SLA: variants seen among roughly 807,000 people sequenced by gnomAD.
The protein encoded by SLA is src-like-adapter.
Under a neutral mutation model 30.3 loss-of-function variants are expected in SLA, and 16 were observed. The ratio of observed to expected loss-of-function variants is 0.53; its 90% confidence interval spans 0.36 to 0.80. The LOEUF (loss-of-function observed/expected upper bound fraction) is 0.80, where lower values mean the gene tolerates loss of function less well. Ranked by LOEUF, SLA falls within the 30% of genes least tolerant of loss-of-function variation. The probability of loss-of-function intolerance (pLI) is 0.01; values close to 1 mark genes in which losing one functional copy is unlikely to be tolerated. For missense variants in SLA, 310 were observed against 345.2 expected (o/e 0.90, Z 0.81); for synonymous variants, 143 against 137.8 (o/e 1.04, Z -0.26).
At position 133,049,827 on chromosome 8, in the gene SLA, G is replaced by A. The variant is rs1587883416; in HGVS notation, c.248+75C>T. On this transcript the variant is annotated intron_variant, in intron 5 of 8. Transcript: ENST00000338087. ...GCCTTCCTTACCACTATGAATGCTG[G>A]AATCTTTGTTCCACCTTATGAGTCA... 9.1e-6 allele frequency: 9 copies of A among 990,288 alleles called. No homozygotes were observed. The East Asian group carries it at 1.9e-4, about 21-fold the overall frequency. 61.3% of individuals were successfully genotyped at this position (990,288 alleles called of 1,614,324 possible). A position where few individuals can be genotyped will look rare whatever the true frequency, so the allele number is the denominator to read the frequency against.
chr8:133,059,703 G>A (rs578153220), intron 3 of SLA, among the ~76,000 whole-genome samples: 1 of 152,168 alleles, frequency 6.6e-6, no homozygotes, highest in Non-Finnish European at 1.5e-5. Context: ...ATTATATTAT[G>A]GGCTGCCAGA....
intron 8 of SLA, among the ~76,000 whole-genome samples, chr8:133,038,974 C>T (rs544043223): frequency 1.1e-4 from 16 of 152,262 alleles, no homozygotes; most frequent in East Asian, 1.9e-4. Flanking sequence ...GCCTCCCAGG[C>T]TCAAGCGATT....
intron 1 of SLA, chr8:133,096,248 A>C (rs878862936): frequency 1.9e-6 from 3 of 1,614,218 alleles, no homozygotes; most frequent in South Asian, 2.2e-5. Context: ...GGGTCCTGTG[A>C]TCGATGGCCA....
intron 2 of SLA, among the ~76,000 whole-genome samples, chr8:133,069,979 T>G (rs1843708451): frequency 8.7e-6 from 1 of 115,142 alleles, no homozygotes; most frequent in Non-Finnish European, 1.6e-5. Flanking sequence ...TCAGTCGGGG[T>G]GACAGAGCAA....
At chr8:133,064,774 G>A (rs1333191951) in intron 2 of SLA, among the ~76,000 whole-genome samples, 1 of 152,166 alleles carries the variant, frequency 6.6e-6, no homozygotes, top group African/African-American at 2.4e-5. Context: ...AATCCAGGTG[G>A]GGAGGCTTCT....
At chr8:133,073,148 T>C (rs1844332353) in intron 2 of SLA, 1 of 152,144 alleles carries the variant, frequency 6.6e-6, no homozygotes, top group Admixed American at 6.5e-5. Context: ...TTGTACAGAG[T>C]CACAGAGTTC....
At chr8:133,063,535 T>A (rs1842683251) in intron 2 of SLA, 1 of 151,686 alleles carries the variant, frequency 6.6e-6, no homozygotes, top group South Asian at 2.1e-4. Flanking sequence ...AAACTTGCAT[T>A]GTTGAGATTG....
In SLA at chr8:133,038,759, A is replaced by G. The variant is rs754741112; in HGVS notation, c.618-22T>C. 1.9e-6 allele frequency: 3 copies of G among 1,561,484 alleles called. No individual in the cohort carries two copies. The Admixed American group carries it at 5.1e-5, about 26-fold the overall frequency. On this transcript the variant is annotated intron_variant, in intron 8 of 8. Transcript: ENST00000338087. ...CAGTCTGTGGGCCAGAAGAAAAGGCAGTAGAGAAAGGGAAAAAAAGAGAGT... is the reference window on the plus strand; with the variant it reads ...CAGTCTGTGGGCCAGAAGAAAAGGCGGTAGAGAAAGGGAAAAAAAGAGAGT...
chr8:133,070,359 C>T (rs1843814170), intron 2 of SLA, among the ~76,000 whole-genome samples: 1 of 152,172 alleles, frequency 6.6e-6, no homozygotes, highest in Non-Finnish European at 1.5e-5. Flanking sequence ...GAACAGTTGC[C>T]CACAGGCCTC....
rs1483456905 is a variant in SLA, at chr8:133,047,793, G to A, written c.352+37C>T. ...AGCCAGGAGCAAAACATGCTTGTCT[G>A]CCCCGGATGGGGAAAGATGAGTTGG... On this transcript the variant is annotated intron_variant, in intron 6 of 8. Coordinates refer to ENST00000338087, the MANE Select transcript of SLA (RefSeq NM_001045556.3). The A allele has an allele frequency of 4.4e-6, 5 of 1,142,120 alleles. No individual in the cohort carries two copies. The South Asian group carries it at 6.1e-5, about 14-fold the overall frequency. The allele number at this position is 1,142,120 out of a possible 1,614,324, so 70.7% of individuals were successfully genotyped here. A position where few individuals can be genotyped will look rare whatever the true frequency, so the allele number is the denominator to read the frequency against.
At chr8:133,040,671 A>G (rs1838050799) in intron 7 of SLA, among the ~76,000 whole-genome samples, 1 of 152,124 alleles carries the variant, frequency 6.6e-6, no homozygotes, top group Non-Finnish European at 1.5e-5. Context: ...CAATGAAAGA[A>G]GGAAGGAAAG....
intron 1 of SLA, among the ~76,000 whole-genome samples, chr8:133,083,219 TA>T (rs1216305878): frequency 2.0e-5 from 3 of 152,246 alleles, no homozygotes; most frequent in African/African-American, 7.2e-5. Flanking sequence ...GGTAATACTT[TA>T]TAACCTGTAA....
chr8:133,047,727 A>G (rs759689405), intron 6 of SLA, 103 bp downstream of exon 6: 1 of 764,860 alleles, frequency 1.3e-6, no homozygotes, highest in Non-Finnish European at 2.4e-6. Flanking sequence ...ATCAATTTGC[A>G]TGGACGTAGG....
Position 133,049,924 on chromosome 8 carries a change from A to T in SLA, c.226T>A (p.Cys76Ser), listed in dbSNP as rs536012943. The change falls in exon 5 of 9, where the codon TGT (cysteine) becomes AGT (serine). Residue 76 changes from cysteine to serine, a missense_variant. Coordinates refer to ENST00000338087, the MANE Select transcript of SLA (RefSeq NM_001045556.3). ...CACCCATGGTAAACTCTGGCCACAC[A>T]TATTCCAGGGATGTAACTCTCTCGA... ...TGRESYIPGI[C>S]VARVYHGWLF... 1.2e-6 allele frequency: 2 copies of T among 1,612,746 alleles called. No homozygotes were observed. The highest frequency in any genetic ancestry group is 2.2e-5 in the South Asian group (2 of 91,062).
chr8:133,056,079 G>A (rs924939307), intron 3 of SLA, among the ~76,000 whole-genome samples: 1 of 152,146 alleles, frequency 6.6e-6, no homozygotes, highest in African/African-American at 2.4e-5. Flanking sequence ...GTCTCCCTGG[G>A]CAGGGCAGGG....
intron 1 of SLA, among the ~76,000 whole-genome samples, chr8:133,089,104 C>T (rs1284952175): frequency 1.3e-5 from 2 of 152,150 alleles, no homozygotes; most frequent in Admixed American, 1.3e-4. Flanking sequence ...GGAGACATGG[C>T]ACTCTGGGTC....
At chr8:133,093,174 T>A (rs4236897) in intron 1 of SLA, among the ~76,000 whole-genome samples, 108,051 of 150,788 alleles carry the variant, frequency 0.72, 39,175 homozygotes, top group Non-Finnish European at 0.75. Context: ...ATCCAATGGT[T>A]CTTAAAAAAA....
chr8:133,097,892 A>G (rs1234758864), intron 1 of SLA, among the ~76,000 whole-genome samples: 1 of 152,156 alleles, frequency 6.6e-6, no homozygotes, highest in Non-Finnish European at 1.5e-5. Flanking sequence ...GAAGGTTCCT[A>G]TCTGGAAGGT....
Position 133,050,905 on chromosome 8 carries a change from G to C in SLA, c.72C>G (p.Ser24Arg), listed in dbSNP as rs537553065. The C allele has an allele frequency of 1.2e-6, 2 of 1,611,252 alleles. No homozygotes were observed. Among genetic ancestry groups the C allele is most frequent in the Non-Finnish European group, 1.7e-6 (2 of 1,177,460 alleles). ...RPLPNPEGLD[S>R]DFLAVLSDYP... ...AGTCACTTAGCACGGCAAGGAAGTC[G>C]CTATCCAGTCCTGGGGAAACAAAGG... Residue 24 changes from serine to arginine, a missense_variant, in exon 4 of 9, where the codon AGC becomes AGG. By Grantham distance (110) the Ser-to-Arg change is moderately radical. Transcript: ENST00000338087.
Sources: gnomAD v4.1 joint callset for allele counts (sites outside exome capture counted in the v4.1 genomes callset) on GRCh38, gnomAD v4.1.1 for gene constraint, MANE v1.5 for transcripts, NCBI Gene and HGNC (gene_info 2026-07-23, HGNC 2026-07-21) for gene names.